Variants in ABL1 observed in about 807,000 individuals in gnomAD.
The protein encoded by ABL1 is tyrosine-protein kinase ABL1.
ABL1 carries 11 observed loss-of-function variants against 94.7 expected under a neutral mutation model. The ratio of observed to expected loss-of-function variants is 0.12; its 90% CI spans 0.07 to 0.19. The LOEUF is 0.19. Among genes scored for constraint, ABL1 ranks in the 10% least tolerant of loss-of-function variants. The pLI is 1.00. For synonymous variants in ABL1, 656 were observed against 622.4 expected, an observed-to-expected ratio of 1.05 and a Z score of -0.80; for missense variants, 1,082 against 1,489.4, an observed-to-expected ratio of 0.73 and a Z score of 4.50.
In ABL1 at chr9:130,872,102, T is replaced by A; in HGVS notation, c.823-27T>A. The A allele has an allele frequency of 6.8e-6, 11 of 1,609,370 alleles. No homozygotes were observed. Among genetic ancestry groups the A allele is most frequent in the Non-Finnish European group, 9.4e-6 (11 of 1,176,108 alleles). On this transcript the variant is annotated intron_variant, in intron 4 of 10. Coordinates refer to ENST00000318560, the MANE Select transcript of ABL1 (RefSeq NM_005157.6). The surrounding 1 kb of genome is among the most constrained non-coding windows in gnomAD (Gnocchi z 5.0). Reference sequence around the variant, plus strand: ...ACTGAAAAGCACTTCCTGAAATAATTTCACCTTCGTTTTTTTCCTTCTGCA... The same window carrying A: ...ACTGAAAAGCACTTCCTGAAATAATATCACCTTCGTTTTTTTCCTTCTGCA...
At chr9:130,748,546 G>A (rs1295585665) in intron 1 of ABL1, among the ~76,000 whole-genome samples, 2 of 151,834 alleles carry the variant, frequency 1.3e-5, no homozygotes, top group African/African-American at 2.4e-5. Flanking sequence ...CTCAATAGCT[G>A]GGACTACAGG....
At chr9:130,755,922 C>T (rs1047099890) in intron 1 of ABL1, among the ~76,000 whole-genome samples, 1 of 152,178 alleles carries the variant, frequency 6.6e-6, no homozygotes, top group East Asian at 1.9e-4. Flanking sequence ...CAAGGGCTTC[C>T]GTGTGCAGCA....
rs543473848 is a variant in ABL1 at position 130,886,165 on chromosome 9, C to T, written c.*482C>T. 12 of 244,368 alleles carry T rather than the reference C, an allele frequency of 4.9e-5. No individual in the cohort carries two copies. Among genetic ancestry groups the T allele is most frequent in the African/African-American group, 1.1e-4 (5 of 45,640 alleles). 15.1% of individuals were successfully genotyped at this position (244,368 alleles called of 1,614,324 possible). On this transcript the variant is annotated 3_prime_UTR_variant, in exon 11 of 11. Coordinates refer to ENST00000318560, the MANE Select transcript of ABL1 (RefSeq NM_005157.6). ...TCTGCCTGCACTCCCTGGCCTTGCC[C>T]GTCGTGTGCTGAAGACATGTTTCAA...
intron 1 of ABL1, among the ~76,000 whole-genome samples, chr9:130,842,914 A>G (rs768189524): frequency 6.6e-6 from 1 of 152,108 alleles, no homozygotes; most frequent in Non-Finnish European, 1.5e-5. Flanking sequence ...AGCAAATCCT[A>G]TTTCTTTTGA....
intron 3 of ABL1, among the ~76,000 whole-genome samples, chr9:130,857,415 A>G (rs746006367): frequency 6.6e-6 from 1 of 152,234 alleles, no homozygotes; most frequent in Non-Finnish European, 1.5e-5. Flanking sequence ...TTGAATATCC[A>G]TGTGGCATAT....
At chr9:130,751,128 G>GTTT (rs1831959783) in intron 1 of ABL1, among the ~76,000 whole-genome samples, 2 of 74,896 alleles carry the variant, frequency 2.7e-5, no homozygotes, top group Admixed American at 1.5e-4. Flanking sequence ...TTTTTATTCA[G>GTTT]CTTTTTTTTT....
intron 1 of ABL1, among the ~76,000 whole-genome samples, chr9:130,769,685 A>T (rs1341565150): frequency 1.3e-5 from 2 of 151,914 alleles, no homozygotes; most frequent in Non-Finnish European, 2.9e-5. Flanking sequence ...AGTCAGGTTT[A>T]TTGAGGTATA....
intron 4 of ABL1, among the ~76,000 whole-genome samples, chr9:130,868,465 G>A (rs2132985095): frequency 6.6e-6 from 1 of 151,410 alleles, no homozygotes; most frequent in Middle Eastern, 3.5e-3. Flanking sequence ...GCGAGACATT[G>A]AAAGCCTGCT....
Position 130,884,694 on chromosome 9 carries a change from A to G in ABL1, c.2404A>G (p.Met802Val). The change falls in exon 11 of 11, where the codon ATG (methionine) becomes GTG (valine). Residue 802 changes from methionine (M) to valine (V), a missense_variant. This residue lies in a region of ABL1 where 780 missense variants were observed against 835.8 expected (regional missense o/e 0.93). Transcript: ENST00000318560. This position sits in a 1 kb window ranked among gnomAD's most constrained non-coding sequence, Gnocchi z 5.6. ...TGCTGATGAGGTCTTCAAAGACATC[A>G]TGGAGTCCAGCCCGGGCTCCAGCCC... ...EAADEVFKDI[M>V]ESSPGSSPPN... The G allele has an allele frequency of 1.9e-6, 3 of 1,612,814 alleles. No individual in the cohort carries two copies. Among genetic ancestry groups the G allele is most frequent in the East Asian group, 2.2e-5 (1 of 44,864 alleles).
At chr9:130,868,792 C>A (rs1447456768) in intron 4 of ABL1, among the ~76,000 whole-genome samples, 1 of 151,960 alleles carries the variant, frequency 6.6e-6, no homozygotes, top group Non-Finnish European at 1.5e-5. Context: ...AGAGGCCAAG[C>A]CATTTTTAAA....
chr9:130,813,343 C>T (rs954410109), intron 1 of ABL1, among the ~76,000 whole-genome samples: 86 of 151,450 alleles, frequency 5.7e-4, no homozygotes, highest in Middle Eastern at 3.5e-3. Context: ...GGGCGGATCA[C>T]GAGGTCAGGA....
intron 4 of ABL1, among the ~76,000 whole-genome samples, chr9:130,865,122 A>G (rs1384400225): frequency 6.6e-6 from 1 of 152,176 alleles, no homozygotes; most frequent in Admixed American, 6.5e-5. Flanking sequence ...GCCTTTCAGA[A>G]TGTGCTTTAC....
At chr9:130,735,957 A>AT (rs1238756333) in intron 1 of ABL1, among the ~76,000 whole-genome samples, 63 of 43,830 alleles carry the variant, frequency 1.4e-3, no homozygotes, top group South Asian at 6.7e-3. Context: ...ATATATATAT[A>AT]TATATTTTTT....
intron 7 of ABL1, among the ~76,000 whole-genome samples, chr9:130,876,894 A>T (rs1294820493): frequency 6.9e-6 from 1 of 145,142 alleles, no homozygotes; most frequent in East Asian, 2.0e-4. Context: ...CCGCCGCCAC[A>T]CTCGGCCAAT....
At position 130,835,658 on chromosome 9, in the gene ABL1, CCTCTT is replaced by C. The variant is rs78414785; in HGVS notation, c.79+150_79+154del. 0.86 allele frequency: 463,103 copies of C among 540,898 alleles called. 200,112 individuals are homozygous for C. Among genetic ancestry groups the C allele is most frequent in the East Asian group, 0.93 (30,260 of 32,450 alleles). 33.5% of individuals were successfully genotyped at this position (540,898 alleles called of 1,614,324 possible). A position where few individuals can be genotyped will look rare whatever the true frequency, so the allele number is the denominator to read the frequency against. ...GGTCTTGTCTTTTTTTTCTTTCTTCCCTCTTCTCTTCTCTTCTCTTCAGTTCTCTT... is the reference window on the plus strand; with the variant it reads ...GGTCTTGTCTTTTTTTTCTTTCTTCCCTCTTCTCTTCTCTTCAGTTCTCTT... On this transcript the variant is annotated intron_variant, in intron 1 of 10. Transcript: ENST00000318560. This position sits in a 1 kb window ranked among gnomAD's most constrained non-coding sequence, Gnocchi z 4.6.
rs370117692 is a variant in ABL1 at position 130,873,942 on chromosome 9, A to G, written c.1085+905A>G. Among the ~76,000 whole-genome samples the G allele has an allele frequency of 5.9e-5, 9 of 152,176 alleles. No individual in the cohort carries two copies. The East Asian group carries it at 1.2e-3, about 20-fold the overall frequency. On this transcript the variant is annotated intron_variant, in intron 6 of 10. Coordinates refer to ENST00000318560, the MANE Select transcript of ABL1 (RefSeq NM_005157.6). ...TGCTCCATGAGAGCCTGATCCAGAT[A>G]CTCCTGGCTTTCAGGAAAGTGAATC...
At chr9:130,781,835 A>G (rs781646428) in intron 1 of ABL1, among the ~76,000 whole-genome samples, 6 of 152,076 alleles carry the variant, frequency 3.9e-5, no homozygotes, top group Non-Finnish European at 8.8e-5. Context: ...TGGGCAGGAA[A>G]TGAGAGAAGA....
intron 1 of ABL1, among the ~76,000 whole-genome samples, chr9:130,723,613 C>T (rs1027974934): frequency 3.2e-4 from 48 of 151,968 alleles, no homozygotes; most frequent in Non-Finnish European, 8.8e-5. Flanking sequence ...CTCTTCCAGT[C>T]CCCCCTCCCT....
chr9:130,823,286 C>G (rs1251805282), intron 1 of ABL1, among the ~76,000 whole-genome samples: 1 of 152,114 alleles, frequency 6.6e-6, no homozygotes, highest in East Asian at 1.9e-4. Flanking sequence ...CTTCAATTTT[C>G]TAAAGGTTAC....
Sources: gnomAD v4.1 joint callset for allele counts (sites outside exome capture counted in the v4.1 genomes callset) on GRCh38, gnomAD v4.1.1 for gene constraint, gnomAD v4.1.1 regional missense constraint, Gnocchi (gnomAD v3.1) non-coding constraint, MANE v1.5 for transcripts, NCBI Gene and HGNC (gene_info 2026-07-23, HGNC 2026-07-21) for gene names.